SYNE1: variants seen among roughly 807,000 people sequenced by gnomAD.
SYNE1 encodes the protein spectrin repeat containing nuclear envelope protein 1.
In SYNE1, 616 loss-of-function variants were observed where a neutral mutation model predicts 1,111.0. The observed-to-expected ratio is 0.55, with a 90% CI of 0.52 to 0.59. SYNE1 has a LOEUF of 0.59. Ranked by LOEUF, SYNE1 falls within the 20% of genes least tolerant of loss-of-function variation. The pLI is 0.00. For synonymous variants in SYNE1, 3,855 were observed against 3,825.8 expected (o/e 1.01, Z -0.28); for missense variants, 10,006 against 10,417.0 (o/e 0.96, Z 1.72).
chr6:152,533,042 T>A (rs542460335), intron 4 of SYNE1, among the ~76,000 whole-genome samples: 12 of 152,328 alleles, frequency 7.9e-5, no homozygotes, highest in African/African-American at 2.6e-4. Flanking sequence ...TTATAACCAC[T>A]GACAGTAGTC....
chr6:152,369,798 C>T (rs2097146721), intron 59 of SYNE1, among the ~76,000 whole-genome samples, 184 bp from the exon 60 acceptor site: 1 of 151,846 alleles, frequency 6.6e-6, no homozygotes, highest in African/African-American at 2.4e-5. Flanking sequence ...GCCTAGGCAA[C>T]ATGATGAGAC....
intron 4 of SYNE1, among the ~76,000 whole-genome samples, chr6:152,537,891 A>C (rs2099251202): frequency 6.6e-6 from 1 of 152,190 alleles, no homozygotes; most frequent in Non-Finnish European, 1.5e-5. Flanking sequence ...TAAACCTGCC[A>C]CTACCTATTA....
Position 152,122,127 on chromosome 6 carries a change from T to C in SYNE1, c.*309A>G, listed in dbSNP as rs914338079. The C allele has an allele frequency of 7.2e-6, 3 of 416,418 alleles. No homozygotes were observed. Among genetic ancestry groups the C allele is most frequent in the African/African-American group, 6.1e-5 (3 of 49,232 alleles). The allele number at this position is 416,418 out of a possible 1,614,324, so 25.8% of individuals were successfully genotyped here. On this transcript the variant is annotated 3_prime_UTR_variant, in exon 146 of 146. Transcript: ENST00000367255. ...CTGAAGTCCTTGGCTGTGCACAGAATGGGCCAAGGGCCCAGAATTCATGAG... is the reference window on the plus strand; with the variant it reads ...CTGAAGTCCTTGGCTGTGCACAGAACGGGCCAAGGGCCCAGAATTCATGAG...
intron 121 of SYNE1, among the ~76,000 whole-genome samples, chr6:152,216,720 T>C (rs2078765609): frequency 6.6e-6 from 1 of 152,208 alleles, no homozygotes; most frequent in South Asian, 2.1e-4. Flanking sequence ...AAAATTTTCA[T>C]GCCTGTTGAA....
chr6:152,397,068 G>A (rs1591844556), intron 49 of SYNE1, 88 bp from the exon 50 acceptor site: 1 of 1,383,054 alleles, frequency 7.2e-7, no homozygotes, highest in Non-Finnish European at 1.0e-6. Flanking sequence ...GAAAAACAGA[G>A]TCCAAAGGAA....
At chr6:152,385,241 C>T (rs1395125946) in intron 55 of SYNE1, among the ~76,000 whole-genome samples, 1 of 152,094 alleles carries the variant, frequency 6.6e-6, no homozygotes, top group Non-Finnish European at 1.5e-5. Context: ...TTTTAAGGTC[C>T]TTTGAAGTAC....
At position 152,181,082 on chromosome 6, in the gene SYNE1, CA is replaced by C. The variant is rs11439578; in HGVS notation, c.23302-789del. On this transcript the variant is annotated intron_variant, in intron 128 of 145. Transcript: ENST00000367255. ...CAATTTTAGGATATTTTTATCATTC[CA>C]AAAAAAAAAAAAAAGCCAGGTGCAG... Among the ~76,000 whole-genome samples, 324 of 124,576 alleles carry C rather than the reference CA, an allele frequency of 2.6e-3. 2 individuals carry two copies. The highest frequency in any genetic ancestry group is 7.1e-3 in the African/African-American group (239 of 33,744). The allele number at this position is 124,576 out of a possible 152,430, so 81.7% of individuals were successfully genotyped here.
intron 74 of SYNE1, among the ~76,000 whole-genome samples, chr6:152,342,367 G>T (rs2096550741): frequency 6.6e-6 from 1 of 152,286 alleles, no homozygotes; most frequent in Admixed American, 6.5e-5. Context: ...GTGGCTTGTG[G>T]GTCAAGGAAA....
rs546610573 is a variant in SYNE1, at chr6:152,133,492, T to C, written c.25789-4A>G. ...CCAACAGCTCATGCTTTATTTGCTA[T>C]GCATACAAAAACAAATTAATTTTTC... On this transcript the variant is annotated splice_polypyrimidine_tract_variant and splice_region_variant and intron_variant, in intron 142 of 145. Transcript: ENST00000367255. 2 of 1,614,000 alleles carry C rather than the reference T, an allele frequency of 1.2e-6. No homozygotes were observed. The highest frequency in any genetic ancestry group is 1.3e-5 in the African/African-American group (1 of 75,078).
chr6:152,510,219 T>C lies in SYNE1; in HGVS notation c.555A>G (p.Leu185=). ...TGCCAGCTGTGTACTGAACCCACTT[T>C]AATAAAGCCTTCTTAGCATTTCCTT... ...KIQGNAKKAL[L]KWVQYTAGKQ... is the part of the protein sequence containing the mutation. Residue 185 remains leucine, a synonymous_variant, in exon 8 of 146, where the codon TTA becomes TTG. Transcript: ENST00000367255. 1 of 1,614,080 alleles carries C rather than the reference T, an allele frequency of 6.2e-7. No homozygotes were observed. Among genetic ancestry groups the C allele is most frequent in the Non-Finnish European group, 8.5e-7 (1 of 1,179,958 alleles).
chr6:152,315,753 C>A (rs1449776128), intron 87 of SYNE1: 1 of 151,992 alleles, frequency 6.6e-6, no homozygotes, highest in Non-Finnish European at 1.5e-5. Flanking sequence ...CCTGTCTGTT[C>A]ATATCTAAGC....
At chr6:152,155,174 C>A in intron 132 of SYNE1, 132 bp from the exon 133 acceptor site, 2 of 1,085,260 alleles carry the variant, frequency 1.8e-6, no homozygotes, top group Non-Finnish European at 2.7e-6. Flanking sequence ...AACCATTCCT[C>A]GAGCCAAATT....
Position 152,458,771 on chromosome 6 carries a change from TA to T in SYNE1, c.2553del (p.Phe851LeufsTer9). ...LEREAQSSAL[F>X]KQKHQELLAC... ...ATTGTTCTCACCTGATGTTTTTGTTTAAAAAGGGCACTCGATTGTGCCTCAC... is the reference window on the plus strand; with the variant it reads ...ATTGTTCTCACCTGATGTTTTTGTTTAAAAGGGCACTCGATTGTGCCTCAC... On this transcript the variant is annotated frameshift_variant, in exon 22 of 146. Coordinates refer to ENST00000367255, the MANE Select transcript of SYNE1 (RefSeq NM_182961.4). LOFTEE classifies it high-confidence loss of function. 6.2e-7 allele frequency: 1 copy of T among 1,614,044 alleles called. No homozygotes were observed. The highest frequency in any genetic ancestry group is 1.1e-5 in the South Asian group (1 of 91,074).
intron 105 of SYNE1, 87 bp from the exon 106 acceptor site, chr6:152,244,743 C>T (rs2086669595): frequency 6.5e-7 from 1 of 1,540,004 alleles, no homozygotes; most frequent in Non-Finnish European, 8.9e-7. Context: ...TTCTGTGTTC[C>T]TCCTCTCCAT....
Position 152,486,198 on chromosome 6 carries a change from T to TA in SYNE1, c.1048-1227dup, listed in dbSNP as rs930946003. Among the ~76,000 whole-genome samples, 493 of 139,022 alleles carry TA rather than the reference T, an allele frequency of 3.5e-3. 5 individuals are homozygous for TA. Among genetic ancestry groups the TA allele is most frequent in the African/African-American group, 0.011 (412 of 39,124 alleles). The allele number at this position is 139,022 out of a possible 152,430, so 91.2% of individuals were successfully genotyped here. On this transcript the variant is annotated intron_variant, in intron 12 of 145. Transcript: ENST00000367255. ...CTTGGCGACAGAGTGACACTCTGACTAAAAAAAATATTAAAAAAAACAACA... is the reference window on the plus strand; with the variant it reads ...CTTGGCGACAGAGTGACACTCTGACTAAAAAAAAATATTAAAAAAAACAACA...
At chr6:152,595,667 C>G (rs2099578969) in intron 3 of SYNE1, among the ~76,000 whole-genome samples, 2 of 152,088 alleles carry the variant, frequency 1.3e-5, no homozygotes, top group Non-Finnish European at 2.9e-5. Context: ...AACACTGAAA[C>G]AGAAATCTGT....
At chr6:152,371,605 G>C (rs1442409973) in intron 59 of SYNE1, among the ~76,000 whole-genome samples, 1 of 129,290 alleles carries the variant, frequency 7.7e-6, no homozygotes, top group Non-Finnish European at 1.6e-5. Flanking sequence ...GGAGAGGAGA[G>C]GGGAAAGGGA....
At chr6:152,164,123 T>A (rs760323739) in intron 131 of SYNE1, 40 bp downstream of exon 131, 7 of 1,612,762 alleles carry the variant, frequency 4.3e-6, no homozygotes, top group Non-Finnish European at 5.9e-6. Flanking sequence ...AGGACAGATA[T>A]TCCATGGCTT....
At chr6:152,377,994 T>C (rs903566694) in intron 56 of SYNE1, among the ~76,000 whole-genome samples, 5 of 152,110 alleles carry the variant, frequency 3.3e-5, no homozygotes, top group African/African-American at 1.2e-4. Flanking sequence ...ACTTGAAAAG[T>C]ACACCTCTGA....
Sources: allele counts gnomAD v4.1 joint callset (sites outside exome capture counted in the v4.1 genomes callset), GRCh38; gene constraint gnomAD v4.1.1; transcripts MANE v1.5; gene names NCBI Gene and HGNC (gene_info 2026-07-23, HGNC 2026-07-21).